ROBO2: variants seen among roughly 807,000 people sequenced by gnomAD.
ROBO2 encodes roundabout homolog 2.
In ROBO2, 53 loss-of-function variants were observed where a neutral mutation model predicts 160.8. That is an observed-to-expected ratio of 0.33 (90% CI 0.26 to 0.41). ROBO2 has a LOEUF of 0.41. ROBO2 is among the 10% of genes least tolerant of loss of function. ROBO2 has a pLI of 1.00. For missense variants in ROBO2, 1,577 were observed against 1,722.4 expected (o/e 0.92, Z 1.49); for synonymous variants, 664 against 611.7 (o/e 1.09, Z -1.26).
At chr3:76,771,708 A>G (rs1034410542) in intron 2 of ROBO2, among the ~76,000 whole-genome samples, 3 of 151,316 alleles carry the variant, frequency 2.0e-5, no homozygotes, top group African/African-American at 7.3e-5. Context: ...ATTATGCAAA[A>G]TAAAAATACG....
chr3:76,623,468 C>T (rs1237008367), intron 2 of ROBO2, among the ~76,000 whole-genome samples: 2 of 152,124 alleles, frequency 1.3e-5, no homozygotes, highest in Non-Finnish European at 2.9e-5. Context: ...GCTTTATGTG[C>T]TAATACAGAC....
chr3:77,510,420 G>A (rs1366752493), intron 5 of ROBO2, among the ~76,000 whole-genome samples: 2 of 152,002 alleles, frequency 1.3e-5, no homozygotes, highest in Admixed American at 1.3e-4. Flanking sequence ...ACACAACCAA[G>A]ATTATGGCAG....
At chr3:76,369,672 T>C (rs919794894) in intron 2 of ROBO2, among the ~76,000 whole-genome samples, 4 of 151,940 alleles carry the variant, frequency 2.6e-5, no homozygotes, top group African/African-American at 9.7e-5. Context: ...AAAACTGGGC[T>C]CTATCTTTGG....
Position 75,916,839 on chromosome 3 carries a change from A to G in ROBO2, c.-14+9879A>G, listed in dbSNP as rs184683956. Among the ~76,000 whole-genome samples the G allele has an allele frequency of 7.8e-3, 1,179 of 151,728 alleles. 19 individuals are homozygous for G. Among genetic ancestry groups the G allele is most frequent in the African/African-American group, 0.027 (1,109 of 41,378 alleles). Reference sequence around the variant, plus strand: ...TTCTTAGCTGATGAATATAAATGAAATTATTATGCAAAACACCTCTATTTG... The same window carrying G: ...TTCTTAGCTGATGAATATAAATGAAGTTATTATGCAAAACACCTCTATTTG... On this transcript the variant is annotated intron_variant, in intron 1 of 26. Coordinates refer to the ROBO2 transcript ENST00000487694.
At position 76,007,832 on chromosome 3, in the gene ROBO2, C is replaced by A. The variant is rs2066068587; in HGVS notation, c.109+70230C>A. On this transcript the variant is annotated intron_variant, in intron 2 of 26. Coordinates refer to the ROBO2 transcript ENST00000487694. ...CTCTTAAAAATCCTTTGCTAATGGC[C>A]TTCTTGAACTTTATCTTAATGTATA... is the stretch of plus-strand genomic sequence containing the variant. 3.3e-5 allele frequency among the ~76,000 whole-genome samples: 5 copies of A among 152,206 alleles called. No homozygotes were observed. The South Asian group carries it at 1.0e-3, about 32-fold the overall frequency.
chr3:76,317,558 T>C (rs564397419), intron 2 of ROBO2, among the ~76,000 whole-genome samples: 1 of 152,300 alleles, frequency 6.6e-6, no homozygotes, highest in Non-Finnish European at 1.5e-5. Context: ...ATGCAGAGTG[T>C]TCTTTGTACT....
intron 2 of ROBO2, among the ~76,000 whole-genome samples, chr3:76,273,075 A>G (rs1378900357): frequency 1.9e-5 from 2 of 102,716 alleles, no homozygotes; most frequent in Admixed American, 1.6e-4. Flanking sequence ...ATATATATAA[A>G]TATAATATAT....
At chr3:75,928,977 G>A (rs1317547991) in intron 1 of ROBO2, among the ~76,000 whole-genome samples, 1 of 114,164 alleles carries the variant, frequency 8.8e-6, no homozygotes, top group African/African-American at 2.9e-5. Flanking sequence ...TGGATAAGAC[G>A]TACGTGTGTG....
intron 2 of ROBO2, among the ~76,000 whole-genome samples, chr3:77,445,806 T>A (rs1460568608): frequency 6.6e-6 from 1 of 150,868 alleles, no homozygotes; most frequent in Non-Finnish European, 1.5e-5. Flanking sequence ...TTTTTTTTTT[T>A]TTTTTGCTAA....
chr3:76,917,490 C>T (rs2076395399), intron 2 of ROBO2, among the ~76,000 whole-genome samples: 3 of 152,154 alleles, frequency 2.0e-5, no homozygotes, highest in South Asian at 2.1e-4. Flanking sequence ...GTGGAATCAG[C>T]GCTATGCAAA....
At chr3:77,224,711 A>T (rs941703663) in intron 2 of ROBO2, among the ~76,000 whole-genome samples, 3 of 151,912 alleles carry the variant, frequency 2.0e-5, no homozygotes, top group Admixed American at 1.3e-4. Context: ...GACTTTATTT[A>T]CTAGCTTGAG....
chr3:76,762,492 T>A (rs2061363561), intron 2 of ROBO2, among the ~76,000 whole-genome samples: 1 of 150,536 alleles, frequency 6.6e-6, no homozygotes, highest in South Asian at 2.1e-4. Flanking sequence ...GAGAAGCAAG[T>A]AACATTGAAA....
At position 76,572,781 on chromosome 3, in the gene ROBO2, C is replaced by T. The variant is rs140055067; in HGVS notation, c.110-525233C>T. On this transcript the variant is annotated intron_variant, in intron 2 of 26. Coordinates refer to the ROBO2 transcript ENST00000487694. Reference sequence around the variant, plus strand: ...CATTGCAAAAGGCAAATTCTAGCCCCTTGAGGGAATATTGCAAGTAGCATC... The same window carrying T: ...CATTGCAAAAGGCAAATTCTAGCCCTTTGAGGGAATATTGCAAGTAGCATC... Among the ~76,000 whole-genome samples the T allele has an allele frequency of 2.9e-3, 448 of 152,260 alleles. 4 individuals are homozygous for T. The highest frequency in any genetic ancestry group is 0.01 in the African/African-American group (433 of 41,556).
chr3:77,263,553 G>C (rs2058916756), intron 2 of ROBO2, among the ~76,000 whole-genome samples: 1 of 152,158 alleles, frequency 6.6e-6, no homozygotes, highest in South Asian at 2.1e-4. Flanking sequence ...AGAGCCTCCA[G>C]CTCCATCCAT....
At chr3:76,614,515 A>G (rs1415287566) in intron 2 of ROBO2, among the ~76,000 whole-genome samples, 2 of 151,914 alleles carry the variant, frequency 1.3e-5, no homozygotes. Flanking sequence ...TTTTTTTTTA[A>G]TTTTTATGAA....
intron 2 of ROBO2, among the ~76,000 whole-genome samples, chr3:76,260,969 A>G (rs1706706878): frequency 6.6e-6 from 1 of 152,098 alleles, no homozygotes; most frequent in Admixed American, 6.6e-5. Flanking sequence ...AAGTGAGGGT[A>G]GAAAAAATGT....
chr3:76,851,194 C>T (rs960517309), intron 2 of ROBO2, among the ~76,000 whole-genome samples: 3 of 152,144 alleles, frequency 2.0e-5, no homozygotes, highest in Admixed American at 6.5e-5. Flanking sequence ...CAACTAGCCC[C>T]GTGTAGCTAA....
intron 1 of ROBO2, among the ~76,000 whole-genome samples, chr3:77,044,269 T>G (rs939618409): frequency 2.6e-5 from 4 of 152,168 alleles, no homozygotes; most frequent in African/African-American, 9.7e-5. Context: ...TATAGATATG[T>G]AAGCACATTG....
At chr3:76,359,311 A>C (rs2075368329) in intron 2 of ROBO2, among the ~76,000 whole-genome samples, 1 of 152,064 alleles carries the variant, frequency 6.6e-6, no homozygotes. Context: ...AAATTGAAAG[A>C]GACGTTCATC....
Sources: gnomAD v4.1 joint callset for allele counts (sites outside exome capture counted in the v4.1 genomes callset) on GRCh38, gnomAD v4.1.1 for gene constraint, MANE v1.5 for transcripts, NCBI Gene and HGNC (gene_info 2026-07-23, HGNC 2026-07-21) for gene names.